Variants in KLF8 observed in about 807,000 individuals in gnomAD.
KLF8 encodes the protein KLF transcription factor 8, also known as Krueppel-like factor 8.
A neutral mutation model predicts 18.2 loss-of-function variants in KLF8; 10 were observed. That is an observed-to-expected ratio of 0.55 (90% CI 0.34 to 0.93). The LOEUF (loss-of-function observed/expected upper bound fraction) is 0.93. Ranked by LOEUF, KLF8 falls within the 40% of genes least tolerant of loss-of-function variation. The probability of loss-of-function intolerance (pLI) is 0.02; values close to 1 mark genes in which losing one functional copy is unlikely to be tolerated. For missense variants in KLF8, 264 were observed against 277.9 expected (o/e 0.95, Z 0.36); for synonymous variants, 109 against 97.3 (o/e 1.12, Z -0.71).
At chrX:56,035,046 C>A in the KLF8 span, among the ~76,000 whole-genome samples, 1 of 111,571 alleles carries the variant, frequency 9.0e-6, no homozygotes, top group Admixed American at 9.5e-5. Flanking sequence ...TGAGCCACAG[C>A]GCCCGGCCGA....
chrX:56,111,371 C>G, the KLF8 span, among the ~76,000 whole-genome samples: 1 of 110,587 alleles, frequency 9.0e-6, no homozygotes, highest in Non-Finnish European at 1.9e-5. Flanking sequence ...TGTGTAGATT[C>G]AACAGTCTAT....
the KLF8 span, among the ~76,000 whole-genome samples, chrX:55,929,565 C>A: frequency 8.9e-6 from 1 of 112,049 alleles, no homozygotes; most frequent in African/African-American, 3.2e-5. Context: ...GGAAGTGGTC[C>A]AGTTTCAGTT....
At chrX:56,284,284 C>G (rs1437849245) in intron 5 of KLF8, 29 bp from the exon 6 acceptor site, 87 of 1,049,896 alleles carry the variant, frequency 8.3e-5, no homozygotes, top group Non-Finnish European at 1.1e-4. Flanking sequence ...CTCTCTGATT[C>G]TCTTTTTTTT....
chrX:55,939,985 C>T, the KLF8 span, among the ~76,000 whole-genome samples: 2 of 111,839 alleles, frequency 1.8e-5, no homozygotes, highest in Non-Finnish European at 3.8e-5. Flanking sequence ...AAAACTATTC[C>T]AATCAATAGA....
intron 1 of KLF8, chrX:56,242,868 T>C (rs2147582424): frequency 2.8e-6 from 1 of 351,693 alleles, no homozygotes; most frequent in Non-Finnish European, 5.3e-6. Flanking sequence ...AGGGGTTTTC[T>C]GGTTTGTTTG....
At chrX:55,916,319 C>T in the KLF8 span, among the ~76,000 whole-genome samples, 1 of 111,713 alleles carries the variant, frequency 9.0e-6, no homozygotes. Context: ...GTTTCACTGC[C>T]CGTAGCCCTG....
the KLF8 span, among the ~76,000 whole-genome samples, chrX:55,944,281 T>C: frequency 9.1e-6 from 1 of 109,720 alleles, no homozygotes; most frequent in Non-Finnish European, 1.9e-5. Context: ...AGGATATTGG[T>C]CTAAAATTCT....
chrX:56,264,342 T>A (rs994592380), intron 2 of KLF8, among the ~76,000 whole-genome samples: 1 of 110,769 alleles, frequency 9.0e-6, no homozygotes, highest in East Asian at 2.8e-4. Flanking sequence ...TTTAAACTAA[T>A]GTATTTATTG....
the KLF8 span, among the ~76,000 whole-genome samples, chrX:56,000,302 T>G: frequency 1.8e-5 from 2 of 109,795 alleles, no homozygotes; most frequent in Non-Finnish European, 3.8e-5. Context: ...TCTGTAGTTT[T>G]TGTGTGTGTG....
chrX:56,004,422 C>A, the KLF8 span, among the ~76,000 whole-genome samples: 1 of 111,631 alleles, frequency 9.0e-6, no homozygotes, highest in Admixed American at 9.4e-5. Flanking sequence ...ATAAGAAAAC[C>A]ACAAAGAATA....
At chrX:56,189,634 C>A in the KLF8 span, among the ~76,000 whole-genome samples, 2 of 110,357 alleles carry the variant, frequency 1.8e-5, no homozygotes, top group African/African-American at 6.6e-5. Flanking sequence ...TGTCCAACAA[C>A]AATAGACTGG....
the KLF8 span, among the ~76,000 whole-genome samples, chrX:56,136,831 G>A: frequency 9.1e-6 from 1 of 109,999 alleles, no homozygotes; most frequent in Non-Finnish European, 1.9e-5. Flanking sequence ...TACAAAATGG[G>A]AGAAAATTTT....
At chrX:56,262,241 G>A (rs145300658) in intron 2 of KLF8, among the ~76,000 whole-genome samples, 1 of 112,075 alleles carries the variant, frequency 8.9e-6, no homozygotes, top group East Asian at 2.8e-4. Flanking sequence ...GCCTGTTGGA[G>A]CAGGACCCTG....
At chrX:56,049,003 C>A in the KLF8 span, among the ~76,000 whole-genome samples, 1 of 111,255 alleles carries the variant, frequency 9.0e-6, no homozygotes, top group Non-Finnish European at 1.9e-5. Flanking sequence ...AAGTTGGATT[C>A]CTAGGTATTT....
the KLF8 span, among the ~76,000 whole-genome samples, chrX:55,964,107 G>A: frequency 9.0e-6 from 1 of 111,442 alleles, no homozygotes; most frequent in Admixed American, 9.5e-5. Flanking sequence ...TAATTTCTGG[G>A]ACACCTCTGA....
intron 2 of KLF8, among the ~76,000 whole-genome samples, chrX:56,262,678 T>A (rs189554101): frequency 1.7e-4 from 19 of 110,711 alleles, no homozygotes; most frequent in Admixed American, 1.1e-3. Flanking sequence ...TATTATTATT[T>A]TTGTGTGACA....
chrX:56,219,222 T>G, the KLF8 span, among the ~76,000 whole-genome samples: 1 of 112,274 alleles, frequency 8.9e-6, no homozygotes, highest in African/African-American at 3.2e-5. Context: ...AAAGGCGAAG[T>G]TTAAATTTAG....
the KLF8 span, among the ~76,000 whole-genome samples, chrX:56,041,667 T>A: frequency 1.0e-5 from 1 of 96,425 alleles, no homozygotes; most frequent in African/African-American, 4.3e-5. Context: ...TCTCTCTAGT[T>A]TTGTTGTTGT....
the KLF8 span, among the ~76,000 whole-genome samples, chrX:56,121,904 G>A: frequency 3.6e-5 from 4 of 112,154 alleles, no homozygotes; most frequent in Non-Finnish European, 5.6e-5. Context: ...CTTGCACTTA[G>A]TAGATACTCA....
Sources: allele counts gnomAD v4.1 joint callset (sites outside exome capture counted in the v4.1 genomes callset), GRCh38; gene constraint gnomAD v4.1.1; transcripts MANE v1.5; gene names NCBI Gene and HGNC (gene_info 2026-07-23, HGNC 2026-07-21).